PTPRD: variants seen among roughly 807,000 people sequenced by gnomAD.
PTPRD encodes the protein protein tyrosine phosphatase receptor type D.
A neutral mutation model predicts 214.5 loss-of-function variants in PTPRD; 34 were observed. The observed-to-expected ratio is 0.16, with a 90% CI of 0.12 to 0.21. The LOEUF is 0.21. Ranked by LOEUF, PTPRD falls within the 10% of genes least tolerant of loss-of-function variation. The probability of loss-of-function intolerance (pLI) is 1.00; values close to 1 mark genes in which losing one functional copy is unlikely to be tolerated. For missense variants in PTPRD, 2,545 were observed against 2,398.7 expected (o/e 1.06, Z -1.27); for synonymous variants, 1,128 against 845.7 (o/e 1.33, Z -5.79).
At chr9:9,253,725 C>CAA in intron 9 of PTPRD, among the ~76,000 whole-genome samples, 2 of 152,104 alleles carry the variant, frequency 1.3e-5, no homozygotes, top group African/African-American at 2.4e-5. Context: ...AATATTCCTA[C>CAA]ATTTGTTGAG....
chr9:9,228,971 A>G (rs1316076199), intron 9 of PTPRD, among the ~76,000 whole-genome samples: 2 of 152,126 alleles, frequency 1.3e-5, no homozygotes, highest in African/African-American at 2.4e-5. Flanking sequence ...ACAAAGGCTT[A>G]TCTATAAAGG....
chr9:9,677,269 A>C (rs541404854), intron 7 of PTPRD, among the ~76,000 whole-genome samples: 1 of 152,032 alleles, frequency 6.6e-6, no homozygotes, highest in African/African-American at 2.4e-5. Context: ...TAGGTCTAAC[A>C]TTTAAGTCTT....
chr9:9,956,391 C>T (rs553448926), intron 4 of PTPRD, among the ~76,000 whole-genome samples: 13 of 151,734 alleles, frequency 8.6e-5, no homozygotes, highest in East Asian at 7.7e-4. Context: ...TATTTCTGCA[C>T]GAACCTGAAA....
intron 9 of PTPRD, among the ~76,000 whole-genome samples, chr9:9,319,620 C>T (rs566453012): frequency 1.1e-4 from 17 of 152,146 alleles, no homozygotes; most frequent in African/African-American, 3.4e-4. Context: ...CATACTTTAC[C>T]AAGTGTATAG....
At chr9:8,892,966 A>T (rs760632248) in intron 11 of PTPRD, among the ~76,000 whole-genome samples, 1 of 152,142 alleles carries the variant, frequency 6.6e-6, no homozygotes, top group Non-Finnish European at 1.5e-5. Flanking sequence ...TGTCATTGAT[A>T]ATCTTGACGT....
At chr9:10,551,654 A>G (rs1590719416) in intron 2 of PTPRD, among the ~76,000 whole-genome samples, 1 of 152,136 alleles carries the variant, frequency 6.6e-6, no homozygotes, top group African/African-American at 2.4e-5. Flanking sequence ...TCCTGGCTCT[A>G]TTATAGAATT....
chr9:9,652,945 T>C (rs2096402992), intron 7 of PTPRD, among the ~76,000 whole-genome samples: 1 of 152,250 alleles, frequency 6.6e-6, no homozygotes, highest in South Asian at 2.1e-4. Flanking sequence ...TGCTAAATAT[T>C]TTCTTGCTTA....
At chr9:9,444,044 A>G (rs931422746) in intron 8 of PTPRD, among the ~76,000 whole-genome samples, 3 of 152,212 alleles carry the variant, frequency 2.0e-5, no homozygotes, top group African/African-American at 7.2e-5. Flanking sequence ...AAGAAAAAAC[A>G]GGATTGGACT....
In PTPRD at chr9:8,459,399, T is replaced by A. The variant is rs563122691; in HGVS notation, c.3875+1012A>T. Among the ~76,000 whole-genome samples the A allele has an allele frequency of 2.0e-5, 3 of 152,174 alleles. No homozygotes were observed. In the East Asian group the frequency reaches 5.8e-4, roughly 29 times the overall value. On this transcript the variant is annotated intron_variant, in intron 33 of 45. Transcript: ENST00000381196. Reference sequence around the variant, plus strand: ...GGAAAACGAGAACATGGATTAAAGTTTTGTGAAAATACAATTTGGATTGGA... The same window carrying A: ...GGAAAACGAGAACATGGATTAAAGTATTGTGAAAATACAATTTGGATTGGA...
At chr9:9,469,016 T>C (rs991272105) in intron 8 of PTPRD, among the ~76,000 whole-genome samples, 3 of 152,156 alleles carry the variant, frequency 2.0e-5, no homozygotes, top group Admixed American at 6.5e-5. Flanking sequence ...TTTAGCATCA[T>C]AGCTTTAGAT....
At chr9:8,605,969 G>T (rs958477693) in intron 14 of PTPRD, among the ~76,000 whole-genome samples, 6 of 151,956 alleles carry the variant, frequency 3.9e-5, no homozygotes, top group Non-Finnish European at 7.4e-5. Context: ...TTCGGGGAGC[G>T]GGGGTGTCGA....
chr9:9,753,122 C>T (rs915242298), intron 6 of PTPRD, among the ~76,000 whole-genome samples: 2 of 152,036 alleles, frequency 1.3e-5, no homozygotes, highest in African/African-American at 4.8e-5. Context: ...AGTTTTTTCA[C>T]TTTGGTTTAT....
chr9:9,002,568 G>A (rs1487094904), intron 11 of PTPRD, among the ~76,000 whole-genome samples: 4 of 151,936 alleles, frequency 2.6e-5, no homozygotes, highest in Non-Finnish European at 5.9e-5. Context: ...TATACAAATA[G>A]AATTCTCCAC....
At position 9,753,112 on chromosome 9, in the gene PTPRD, A is replaced by C. The variant is rs772605083; in HGVS notation, c.-326+13698T>G. On this transcript the variant is annotated intron_variant, in intron 6 of 45. Coordinates refer to ENST00000381196, the MANE Select transcript of PTPRD (RefSeq NM_002839.4). Reference sequence around the variant, plus strand: ...ACAACAAACTTTGTTTCATTGCATTAGTTTTTTCACTTTGGTTTATTATTT... The same window carrying C: ...ACAACAAACTTTGTTTCATTGCATTCGTTTTTTCACTTTGGTTTATTATTT... Among the ~76,000 whole-genome samples the C allele has an allele frequency of 1.8e-4, 28 of 152,198 alleles. 1 individual carries two copies. In the South Asian group the frequency reaches 2.5e-3, roughly 14 times the overall value.
At chr9:8,500,048 T>C (rs1356493908) in intron 24 of PTPRD, among the ~76,000 whole-genome samples, 1 of 46,288 alleles carries the variant, frequency 2.2e-5, no homozygotes, top group African/African-American at 9.4e-5. Flanking sequence ...ACATGACCGA[T>C]GCAAAAAAAA....
At chr9:9,061,176 C>G (rs1007399597) in intron 10 of PTPRD, among the ~76,000 whole-genome samples, 1 of 152,064 alleles carries the variant, frequency 6.6e-6, no homozygotes, top group Non-Finnish European at 1.5e-5. Context: ...GTTACCTGGG[C>G]TATTCATTTT....
intron 4 of PTPRD, among the ~76,000 whole-genome samples, chr9:10,024,098 A>T (rs1002184548): frequency 4.6e-5 from 7 of 152,120 alleles, no homozygotes; most frequent in African/African-American, 1.7e-4. Context: ...TGTGAAAGTA[A>T]TATTTGCTTT....
chr9:10,523,601 G>GTATATATATATAAATATATATATATA (rs2053147576), intron 2 of PTPRD, among the ~76,000 whole-genome samples: 1 of 64,336 alleles, frequency 1.6e-5, no homozygotes, highest in Non-Finnish European at 3.2e-5. Context: ...ATATTTATCT[G>GTATATATATATAAATATATATATATA]TATATATATA....
intron 2 of PTPRD, among the ~76,000 whole-genome samples, chr9:10,491,558 A>C (rs1168067485): frequency 2.0e-5 from 3 of 152,224 alleles, no homozygotes; most frequent in South Asian, 2.1e-4. Context: ...GAAATGGTTA[A>C]AATTATAAAG....
Sources: gnomAD v4.1 joint callset for allele counts (sites outside exome capture counted in the v4.1 genomes callset) on GRCh38, gnomAD v4.1.1 for gene constraint, MANE v1.5 for transcripts, NCBI Gene and HGNC (gene_info 2026-07-23, HGNC 2026-07-21) for gene names.